Variants in ASCC3 observed in about 807,000 individuals in gnomAD.
The protein encoded by ASCC3 is activating signal cointegrator 1 complex subunit 3.
In ASCC3, 158 loss-of-function variants were observed where a neutral mutation model predicts 256.3. That is an observed-to-expected ratio of 0.62 (90% CI 0.54 to 0.70). The LOEUF (loss-of-function observed/expected upper bound fraction) is 0.70. ASCC3 is among the 30% of genes least tolerant of loss of function. ASCC3 has a pLI of 0.00. For missense variants in ASCC3, 2,259 were observed against 2,626.0 expected (o/e 0.86, Z 3.05); for synonymous variants, 948 against 883.4 (o/e 1.07, Z -1.30).
At chr6:100,858,528 T>C (rs1773069795) in intron 3 of ASCC3, 1 of 927,950 alleles carries the variant, frequency 1.1e-6, no homozygotes, top group Non-Finnish European at 1.3e-6. Context: ...ATAAGTAATG[T>C]TAGATATTCA....
At chr6:100,686,386 A>T (rs1479132335) in intron 13 of ASCC3, among the ~76,000 whole-genome samples, 1 of 152,172 alleles carries the variant, frequency 6.6e-6, no homozygotes, top group East Asian at 1.9e-4. Flanking sequence ...CCTAGTAGCC[A>T]CTATGTTTCT....
chr6:100,691,710 GT>G (rs1777859250), intron 13 of ASCC3, among the ~76,000 whole-genome samples: 1 of 151,690 alleles, frequency 6.6e-6, no homozygotes, highest in African/African-American at 2.4e-5. Context: ...TAAATCAATT[GT>G]TTTTGTTTTA....
chr6:100,600,235 A>ACG (rs1562153428), intron 34 of ASCC3, among the ~76,000 whole-genome samples: 28 of 145,200 alleles, frequency 1.9e-4, no homozygotes, highest in Non-Finnish European at 2.9e-4. Flanking sequence ...ACACACACAC[A>ACG]CACAGTTGTA....
At chr6:100,564,721 T>C (rs955501106) in intron 36 of ASCC3, among the ~76,000 whole-genome samples, 2 of 152,160 alleles carry the variant, frequency 1.3e-5, no homozygotes, top group African/African-American at 4.8e-5. Context: ...CTTGTTGGAC[T>C]GTTGAAAGGC....
At chr6:100,696,757 CAT>C (rs745607262) in intron 13 of ASCC3, among the ~76,000 whole-genome samples, 4 of 151,862 alleles carry the variant, frequency 2.6e-5, no homozygotes, top group Admixed American at 1.3e-4. Context: ...ATAAAATAAA[CAT>C]GTATACAAGT....
intron 25 of ASCC3, among the ~76,000 whole-genome samples, chr6:100,634,761 C>A (rs918683912): frequency 7.9e-5 from 12 of 151,030 alleles, no homozygotes; most frequent in African/African-American, 2.9e-4. Flanking sequence ...TGGCACAAAC[C>A]TGTAGTCCCA....
intron 30 of ASCC3, among the ~76,000 whole-genome samples, chr6:100,623,391 G>A (rs1346838109): frequency 6.6e-6 from 1 of 152,036 alleles, no homozygotes; most frequent in African/African-American, 2.4e-5. Context: ...TAGTGAATAA[G>A]GTCATCTATA....
chr6:100,523,399 G>A (rs997084877), intron 37 of ASCC3, among the ~76,000 whole-genome samples: 1 of 152,050 alleles, frequency 6.6e-6, no homozygotes, highest in African/African-American at 2.4e-5. Flanking sequence ...CTTGAGGTTA[G>A]GGGTAGCATA....
chr6:100,737,693 T>C (rs564601369), intron 10 of ASCC3, among the ~76,000 whole-genome samples: 1 of 152,210 alleles, frequency 6.6e-6, no homozygotes, highest in Non-Finnish European at 1.5e-5. Flanking sequence ...TGAACATACA[T>C]GTACATGTAT....
At chr6:100,870,192 A>T (rs1047944386) in intron 1 of ASCC3, among the ~76,000 whole-genome samples, 3 of 150,146 alleles carry the variant, frequency 2.0e-5, no homozygotes, top group Non-Finnish European at 3.0e-5. Flanking sequence ...ACTTGATTTT[A>T]AAAAATGCAT....
At chr6:100,532,331 C>G (rs1334217421) in intron 37 of ASCC3, among the ~76,000 whole-genome samples, 4 of 109,862 alleles carry the variant, frequency 3.6e-5, no homozygotes, top group African/African-American at 1.5e-4. Context: ...AGAATGCTAT[C>G]TTGCGTGTGT....
At chr6:100,597,278 T>C (rs918523280) in intron 34 of ASCC3, among the ~76,000 whole-genome samples, 1 of 152,152 alleles carries the variant, frequency 6.6e-6, no homozygotes, top group African/African-American at 2.4e-5. Context: ...AGTGCCAAGA[T>C]AGCAAAAGTT....
intron 25 of ASCC3, among the ~76,000 whole-genome samples, chr6:100,636,424 T>C (rs2114878555): frequency 6.6e-6 from 1 of 152,296 alleles, no homozygotes; most frequent in South Asian, 2.1e-4. Context: ...TGACCAGCCA[T>C]TCCCCCATCT....
intron 8 of ASCC3, among the ~76,000 whole-genome samples, chr6:100,790,450 A>T (rs1243854626): frequency 1.3e-5 from 2 of 151,958 alleles, no homozygotes; most frequent in Non-Finnish European, 2.9e-5. Flanking sequence ...GATGACCAAT[A>T]ACCAATACAT....
intron 10 of ASCC3, among the ~76,000 whole-genome samples, chr6:100,751,014 C>T (rs1252860115): frequency 1.3e-5 from 2 of 152,010 alleles, no homozygotes; most frequent in Admixed American, 1.3e-4. Flanking sequence ...TATTTGCTCC[C>T]CTAATTCAAA....
chr6:100,515,734 T>C (rs1773988444), intron 39 of ASCC3, among the ~76,000 whole-genome samples: 1 of 152,100 alleles, frequency 6.6e-6, no homozygotes, highest in African/African-American at 2.4e-5. Context: ...ACTGAGGGCA[T>C]TGCATGAAAA....
At chr6:100,750,484 T>C (rs1371654955) in intron 10 of ASCC3, among the ~76,000 whole-genome samples, 1 of 151,954 alleles carries the variant, frequency 6.6e-6, no homozygotes, top group Non-Finnish European at 1.5e-5. Flanking sequence ...GACAATATAG[T>C]TTTCCTGGAA....
intron 36 of ASCC3, among the ~76,000 whole-genome samples, chr6:100,560,795 A>G (rs1202668166): frequency 1.3e-5 from 2 of 150,156 alleles, no homozygotes; most frequent in Non-Finnish European, 3.0e-5. Flanking sequence ...ACACACACGC[A>G]CACATAACAG....
rs369730723 is a variant in ASCC3, at chr6:100,679,615, T to C, written c.2286+3A>G. The C allele has an allele frequency of 6.2e-7, 1 of 1,613,490 alleles. No homozygotes were observed. The highest frequency in any genetic ancestry group is 1.3e-5 in the African/African-American group (1 of 75,032). On this transcript the variant is annotated splice_donor_region_variant and intron_variant, in intron 14 of 41. Coordinates refer to ENST00000369162, the MANE Select transcript of ASCC3 (RefSeq NM_006828.4). ...TTTAGTTCTTGTCCTCTTTGTTTCTTACCTGTTTTTCTGCAAGTACATAGT... is the reference window on the plus strand; with the variant it reads ...TTTAGTTCTTGTCCTCTTTGTTTCTCACCTGTTTTTCTGCAAGTACATAGT...
Sources: allele counts gnomAD v4.1 joint callset (sites outside exome capture counted in the v4.1 genomes callset), GRCh38; gene constraint gnomAD v4.1.1; transcripts MANE v1.5; gene names NCBI Gene and HGNC (gene_info 2026-07-23, HGNC 2026-07-21).